The following ARHGAP32 variants were observed in gnomAD, a reference collection of about 807,000 sequenced individuals.
ARHGAP32 encodes the protein Rho GTPase activating protein 32, also known as rho GTPase-activating protein 32.
Under a neutral mutation model 186.5 loss-of-function variants are expected in ARHGAP32, and 51 were observed. That is an observed-to-expected ratio of 0.27 (90% CI 0.22 to 0.35). ARHGAP32 has a LOEUF of 0.35. Ranked by LOEUF, ARHGAP32 falls within the 10% of genes least tolerant of loss-of-function variation. The probability of loss-of-function intolerance (pLI) is 1.00; values close to 1 mark genes in which losing one functional copy is unlikely to be tolerated. For missense variants in ARHGAP32, 2,186 were observed against 2,623.5 expected, an observed-to-expected ratio of 0.83 and a Z score of 3.64; for synonymous variants, 950 against 964.3, an observed-to-expected ratio of 0.99 and a Z score of 0.27.
intron 1 of ARHGAP32, among the ~76,000 whole-genome samples, chr11:129,181,486 C>G (rs1012984752): frequency 6.6e-6 from 1 of 152,082 alleles, no homozygotes; most frequent in Non-Finnish European, 1.5e-5. Flanking sequence ...TCATTATCTG[C>G]TTATCATAGG....
chr11:129,064,138 T>TAA (rs61104154), intron 8 of ARHGAP32, 114 bp from the exon 9 acceptor site: 72,277 of 616,014 alleles, frequency 0.12, 238 homozygotes, highest in South Asian at 0.2. Flanking sequence ...CAAAGAGTCT[T>TAA]AAAAAAAAAA....
At chr11:129,173,743 A>C (rs1291231297) in intron 1 of ARHGAP32, among the ~76,000 whole-genome samples, 1 of 152,218 alleles carries the variant, frequency 6.6e-6, no homozygotes, top group Non-Finnish European at 1.5e-5. Flanking sequence ...AATTCTTTAA[A>C]ATATTTTAAT....
At chr11:129,097,301 T>C (rs1166869332) in intron 5 of ARHGAP32, among the ~76,000 whole-genome samples, 2 of 152,004 alleles carry the variant, frequency 1.3e-5, no homozygotes, top group Non-Finnish European at 2.9e-5. Flanking sequence ...TCTCTACAAA[T>C]CTACAAATTT....
intron 1 of ARHGAP32, among the ~76,000 whole-genome samples, chr11:129,234,419 T>G (rs951268400): frequency 6.6e-6 from 1 of 152,068 alleles, no homozygotes; most frequent in African/African-American, 2.4e-5. Context: ...TATTTTTCCT[T>G]AAAATATATA....
chr11:129,057,153 T>C (rs909524499), intron 10 of ARHGAP32, among the ~76,000 whole-genome samples: 2 of 152,142 alleles, frequency 1.3e-5, no homozygotes, highest in African/African-American at 4.8e-5. Context: ...GAAGCATCAG[T>C]GGGTCATCGG....
At chr11:129,066,498 T>C (rs1940693130) in intron 7 of ARHGAP32, among the ~76,000 whole-genome samples, 1 of 152,060 alleles carries the variant, frequency 6.6e-6, no homozygotes, top group African/African-American at 2.4e-5. Context: ...CTCATATATA[T>C]TGCTTGTTGA....
rs776882014 is a variant in ARHGAP32 at position 128,969,505 on chromosome 11, C to T, written c.5708G>A (p.Cys1903Tyr). The change falls in exon 23 of 23, where the codon TGT (cysteine) becomes TAT (tyrosine). Residue 1903 changes from cysteine to tyrosine, a missense_variant. Coordinates refer to ENST00000682385, the MANE Select transcript of ARHGAP32 (RefSeq NM_001378024.1). The surrounding 1 kb of genome is among the most constrained non-coding windows in gnomAD (Gnocchi z 4.8). Reference protein sequence around the residue: ...AHQEASHRQFCESKNGPPYPQ... With the variant: ...AHQEASHRQFYESKNGPPYPQ... ...ATAAGGGGGCCCATTCTTTGACTCA[C>T]AGAACTGCCTATGGCTTGCTTCTTG... The T allele has an allele frequency of 1.2e-6, 2 of 1,614,196 alleles. No individual in the cohort carries two copies. Among genetic ancestry groups the T allele is most frequent in the South Asian group, 2.2e-5 (2 of 91,072 alleles).
chr11:129,044,526 T>C (rs936813849), intron 10 of ARHGAP32, among the ~76,000 whole-genome samples: 1 of 152,140 alleles, frequency 6.6e-6, no homozygotes, highest in Non-Finnish European at 1.5e-5. Flanking sequence ...CATAAGTAAA[T>C]GCTATTATTA....
At chr11:129,063,013 A>G (rs542439209) in intron 9 of ARHGAP32, among the ~76,000 whole-genome samples, 1 of 152,258 alleles carries the variant, frequency 6.6e-6, no homozygotes, top group South Asian at 2.1e-4. Context: ...AAAAATTACA[A>G]TAGTTTTTAA....
chr11:129,081,152 A>G (rs1941207573), intron 6 of ARHGAP32, among the ~76,000 whole-genome samples: 1 of 152,122 alleles, frequency 6.6e-6, no homozygotes, highest in African/African-American at 2.4e-5. Flanking sequence ...CCAGGACCAG[A>G]TGGATTCACA....
In ARHGAP32 at chr11:129,088,298, T is replaced by C. The variant is rs558239992; in HGVS notation, c.531+5323A>G. On this transcript the variant is annotated intron_variant, in intron 6 of 22. Transcript: ENST00000682385. ...TTCATATGTAAAAACATAGCCTTGA[T>C]TGGCTGGGCACGGTGGCTTACACCT... Among the ~76,000 whole-genome samples the C allele has an allele frequency of 2.0e-5, 3 of 152,328 alleles. No individual in the cohort carries two copies. In the East Asian group the frequency reaches 5.8e-4, roughly 29 times the overall value.
intron 1 of ARHGAP32, among the ~76,000 whole-genome samples, chr11:129,209,365 C>T (rs1944551933): frequency 6.6e-6 from 1 of 150,456 alleles, no homozygotes; most frequent in South Asian, 2.1e-4. Context: ...CTCTGGTCAG[C>T]TAAGGGCAAT....
chr11:129,107,104 A>G (rs1403009097), intron 5 of ARHGAP32, among the ~76,000 whole-genome samples: 2 of 152,216 alleles, frequency 1.3e-5, no homozygotes, highest in East Asian at 1.9e-4. Flanking sequence ...CAAAAACATT[A>G]TAAGCTATTT....
At chr11:129,192,616 A>G (rs1052237172), upstream of ARHGAP32, among the ~76,000 whole-genome samples, 1 of 152,220 alleles carries the variant, frequency 6.6e-6, no homozygotes, top group Non-Finnish European at 1.5e-5. Flanking sequence ...AACTAGAAAG[A>G]ATAACACCAT....
intron 6 of ARHGAP32, among the ~76,000 whole-genome samples, chr11:129,088,191 AT>A (rs1339558572): frequency 1.3e-5 from 2 of 152,274 alleles, no homozygotes; most frequent in Non-Finnish European, 2.9e-5. Flanking sequence ...ACTACGTTAA[AT>A]TCACTGAGTA....
At chr11:129,059,983 C>T (rs1406239765) in intron 10 of ARHGAP32, among the ~76,000 whole-genome samples, 1 of 152,098 alleles carries the variant, frequency 6.6e-6, no homozygotes, top group Non-Finnish European at 1.5e-5. Flanking sequence ...TTTTCATTAT[C>T]GGTTACAAAT....
chr11:129,114,939 T>C (rs563688998), intron 5 of ARHGAP32, among the ~76,000 whole-genome samples: 3 of 152,100 alleles, frequency 2.0e-5, no homozygotes, highest in Admixed American at 6.6e-5. Context: ...ATCAGTAGCA[T>C]AGAGCAGGGT....
intron 1 of ARHGAP32, among the ~76,000 whole-genome samples, chr11:129,191,209 C>G (rs1944263195): frequency 1.3e-5 from 2 of 151,926 alleles, no homozygotes; most frequent in Admixed American, 1.3e-4. Context: ...CATAGGTAAA[C>G]TTATAAAAGA....
At chr11:129,227,474 TAAA>T (rs33996728) in intron 1 of ARHGAP32, among the ~76,000 whole-genome samples, 13 of 147,908 alleles carry the variant, frequency 8.8e-5, no homozygotes, top group East Asian at 3.9e-4. Flanking sequence ...ATTGACAGTT[TAAA>T]AAAAAAAAAA....
Sources: allele counts gnomAD v4.1 joint callset (sites outside exome capture counted in the v4.1 genomes callset), GRCh38; gene constraint gnomAD v4.1.1; non-coding constraint Gnocchi (gnomAD v3.1); transcripts MANE v1.5; gene names NCBI Gene and HGNC (gene_info 2026-07-23, HGNC 2026-07-21).